C10orf88: variants seen among roughly 807,000 people sequenced by gnomAD.
The protein encoded by C10orf88 is chromosome 10 open reading frame 88, also known as ATPase PAAT.
In C10orf88, 29 loss-of-function variants were observed where a neutral mutation model predicts 34.2. That is an observed-to-expected ratio of 0.85 (90% CI 0.63 to 1.16). The LOEUF (loss-of-function observed/expected upper bound fraction) is 1.16, where lower values mean the gene tolerates loss of function less well. Ranked by LOEUF, C10orf88 falls within the 50% of genes most tolerant of loss-of-function variation. The probability of loss-of-function intolerance (pLI) is 0.00; values close to 1 mark genes in which losing one functional copy is unlikely to be tolerated. For missense variants in C10orf88, 507 were observed against 533.2 expected, an observed-to-expected ratio of 0.95 and a Z score of 0.48; for synonymous variants, 194 against 197.4, an observed-to-expected ratio of 0.98 and a Z score of 0.15.
At chr10:122,935,875 A>T (rs1485004760) in intron 5 of C10orf88, among the ~76,000 whole-genome samples, 2 of 151,728 alleles carry the variant, frequency 1.3e-5, no homozygotes, top group African/African-American at 4.8e-5. Flanking sequence ...ATATTTTATA[A>T]GTATTTTTTA....
rs560843817 is a variant in C10orf88 at position 122,938,500 on chromosome 10, C to T, written c.649-341G>A. On this transcript the variant is annotated intron_variant, in intron 4 of 5. Coordinates refer to ENST00000481909, the MANE Select transcript of C10orf88 (RefSeq NM_024942.4). ...TGCACTGACACTAATGTTTCCACTA[C>T]AAATGTCTCTTTATGATAATAAAAT... Among the ~76,000 whole-genome samples the T allele has an allele frequency of 9.9e-5, 15 of 152,142 alleles. No individual in the cohort carries two copies. The South Asian group carries it at 1.7e-3, about 17-fold the overall frequency.
rs1162399386 is a variant in C10orf88, at chr10:122,951,986, A to G, written c.409T>C (p.Leu137=). 6.5e-7 allele frequency: 1 copy of G among 1,547,038 alleles called. No individual in the cohort carries two copies. Among genetic ancestry groups the G allele is most frequent in the Non-Finnish European group, 8.9e-7 (1 of 1,128,668 alleles). ...TTACAAGCATGTGTGGAGGACTCCA[A>G]TTTTAGATTTTTTTTATACAAAATG... ...KIILYKKNLK[L]ESSTHACKIK... The change falls in exon 3 of 6, where the codon TTG becomes CTG. Residue 137 remains leucine (L), a synonymous_variant. Coordinates refer to ENST00000481909, the MANE Select transcript of C10orf88 (RefSeq NM_024942.4).
intron 4 of C10orf88, among the ~76,000 whole-genome samples, chr10:122,943,714 G>C (rs1201608746): frequency 1.3e-5 from 2 of 152,018 alleles, no homozygotes; most frequent in Admixed American, 6.5e-5. Context: ...AGTAGGCAAA[G>C]GACATGAACA....
At chr10:122,943,898 G>C (rs1204524036) in intron 4 of C10orf88, among the ~76,000 whole-genome samples, 1 of 152,148 alleles carries the variant, frequency 6.6e-6, no homozygotes, top group Non-Finnish European at 1.5e-5. Context: ...AGAATGTGGA[G>C]AAATAGGAAC....
intron 4 of C10orf88, 83 bp downstream of exon 4, chr10:122,948,566 T>C (rs1293113646): frequency 7.5e-7 from 1 of 1,335,004 alleles, no homozygotes; most frequent in Non-Finnish European, 1.0e-6. Flanking sequence ...GAAAGAAAAA[T>C]TTTAAGTCAC....
At position 122,937,842 on chromosome 10, in the gene C10orf88, G is replaced by C; in HGVS notation, c.966C>G (p.Asp322Glu). 1 of 1,613,268 alleles carries C rather than the reference G, an allele frequency of 6.2e-7. No individual in the cohort carries two copies. Among genetic ancestry groups the C allele is most frequent in the South Asian group, 1.1e-5 (1 of 91,050 alleles). Reference sequence around the variant, plus strand: ...ACTCGGAGTTGGGTATATTTGAGTTGTCACTTACTTTCTTTGGTAAGAAAG... The same window carrying C: ...ACTCGGAGTTGGGTATATTTGAGTTCTCACTTACTTTCTTTGGTAAGAAAG... The part of the protein sequence containing the change: ...MASFLPKKVS[D>E]NSNIPNSELL... The change falls in exon 5 of 6, where the codon GAC becomes GAG. Residue 322 changes from aspartate (D) to glutamate (E), a missense_variant. Transcript: ENST00000481909.
intron 5 of C10orf88, among the ~76,000 whole-genome samples, chr10:122,935,651 T>C (rs931162643): frequency 7.9e-5 from 12 of 151,898 alleles, no homozygotes; most frequent in Non-Finnish European, 1.3e-4. Flanking sequence ...CTCATTCATA[T>C]TTATAAAAAA....
intron 4 of C10orf88, among the ~76,000 whole-genome samples, chr10:122,944,949 C>T (rs1451553237): frequency 6.6e-6 from 1 of 151,502 alleles, no homozygotes; most frequent in Non-Finnish European, 1.5e-5. Context: ...CCCTGAGGAT[C>T]TCCAAGAAAT....
At chr10:122,937,141 A>C (rs1848540573) in intron 5 of C10orf88, among the ~76,000 whole-genome samples, 1 of 152,018 alleles carries the variant, frequency 6.6e-6, no homozygotes, top group African/African-American at 2.4e-5. Context: ...CACCATTTTG[A>C]CATACTATAT....
chr10:122,935,498 G>A (rs1220277094), intron 5 of C10orf88, among the ~76,000 whole-genome samples: 2 of 151,966 alleles, frequency 1.3e-5, no homozygotes, highest in African/African-American at 4.8e-5. Context: ...ATAAGTCTAT[G>A]CCTCTGACAA....
intron 4 of C10orf88, among the ~76,000 whole-genome samples, chr10:122,942,608 T>TGTA (rs1201451320): frequency 2.7e-5 from 4 of 150,058 alleles, no homozygotes; most frequent in Admixed American, 2.0e-4. Context: ...ATGACATGAT[T>TGTA]GTATATCTAG....
intron 4 of C10orf88, among the ~76,000 whole-genome samples, chr10:122,945,000 A>G (rs201895859): frequency 5.2e-4 from 16 of 30,728 alleles, no homozygotes; most frequent in African/African-American, 1.4e-3. Flanking sequence ...ATATATGTGT[A>G]TATATATATA....
In C10orf88 at chr10:122,937,882, T is replaced by A; in HGVS notation, c.926A>T (p.Lys309Ile). ...QNHSFLENDL[K>I]NAMASFLPKK... Reference sequence around the variant, plus strand: ...TGGTAAGAAAGAGGCCATTGCATTTTTAAGATCATTTTCAAGAAAGGAATG... The same window carrying A: ...TGGTAAGAAAGAGGCCATTGCATTTATAAGATCATTTTCAAGAAAGGAATG... The change falls in exon 5 of 6, where the codon AAA (lysine) becomes ATA (isoleucine). Residue 309 changes from lysine (K) to isoleucine (I), a missense_variant. By Grantham distance (102) the Lys-to-Ile change is moderately radical. Coordinates refer to ENST00000481909, the MANE Select transcript of C10orf88 (RefSeq NM_024942.4). 6.2e-7 allele frequency: 1 copy of A among 1,613,406 alleles called. No individual in the cohort carries two copies. Among genetic ancestry groups the A allele is most frequent in the East Asian group, 2.2e-5 (1 of 44,862 alleles).
intron 5 of C10orf88, among the ~76,000 whole-genome samples, chr10:122,936,673 T>G (rs1042696565): frequency 2.6e-5 from 4 of 151,912 alleles, no homozygotes; most frequent in African/African-American, 9.7e-5. Context: ...ATCCCACAAA[T>G]TTTGATGTGT....
At chr10:122,934,610 A>G (rs1288212895) in intron 5 of C10orf88, among the ~76,000 whole-genome samples, 1 of 152,168 alleles carries the variant, frequency 6.6e-6, no homozygotes, top group Non-Finnish European at 1.5e-5. Context: ...TTACAAAGAA[A>G]GCTTTTATTA....
chr10:122,932,278 TGTA>T lies in C10orf88; in HGVS notation c.*146_*148del, dbSNP rs1380556077. 1.7e-6 allele frequency: 1 copy of T among 600,354 alleles called. No individual in the cohort carries two copies. Among genetic ancestry groups the T allele is most frequent in the African/African-American group, 1.9e-5 (1 of 54,008 alleles). The allele number at this position is 600,354 out of a possible 1,614,324, so 37.2% of individuals were successfully genotyped here. On this transcript the variant is annotated 3_prime_UTR_variant, in exon 6 of 6. Transcript: ENST00000481909. ...ACAGTACTGGATTTAAAATAACAAG[TGTA>T]GTAAAAACGAAAACTGAGGTCACTT...
At chr10:122,948,443 A>T (rs772378936) in intron 4 of C10orf88, among the ~76,000 whole-genome samples, 1 of 152,196 alleles carries the variant, frequency 6.6e-6, no homozygotes, top group Non-Finnish European at 1.5e-5. Flanking sequence ...TTGCTGAATG[A>T]ATGAATGCAT....
intron 4 of C10orf88, among the ~76,000 whole-genome samples, chr10:122,948,442 G>C (rs567281491): frequency 6.6e-6 from 1 of 152,134 alleles, no homozygotes; most frequent in Non-Finnish European, 1.5e-5. Flanking sequence ...CTTGCTGAAT[G>C]AATGAATGCA....
intron 3 of C10orf88, 59 bp downstream of exon 3, chr10:122,951,895 G>C (rs1848693389): frequency 9.8e-7 from 1 of 1,025,488 alleles, no homozygotes; most frequent in Non-Finnish European, 1.5e-6. Context: ...AAGAAAACAA[G>C]CATACACAGA....
Sources: allele counts gnomAD v4.1 joint callset (sites outside exome capture counted in the v4.1 genomes callset), GRCh38; gene constraint gnomAD v4.1.1; transcripts MANE v1.5; gene names NCBI Gene and HGNC (gene_info 2026-07-23, HGNC 2026-07-21).